Variants in NSMCE2 observed in about 807,000 individuals in gnomAD.
NSMCE2 encodes the protein NSE2 SUMO ligase component of SMC5/6 complex.
NSMCE2 carries 24 observed loss-of-function variants against 23.8 expected under a neutral mutation model. The observed-to-expected ratio is 1.01, with a 90% CI of 0.73 to 1.42. The LOEUF is 1.42. Among genes scored for constraint, NSMCE2 ranks in the 40% most tolerant of loss-of-function variants. The pLI, the probability that NSMCE2 is intolerant of heterozygous loss-of-function variation, is 0.00. For missense variants in NSMCE2, 284 were observed against 296.5 expected (o/e 0.96, Z 0.31); for synonymous variants, 92 against 94.1 (o/e 0.98, Z 0.13).
chr8:125,359,117 A>G (rs1813412830), intron 7 of NSMCE2, among the ~76,000 whole-genome samples: 2 of 151,736 alleles, frequency 1.3e-5, no homozygotes, highest in African/African-American at 2.4e-5. Context: ...ATAAAAAAAA[A>G]TTAGCCGGGC....
chr8:125,111,575 G>A (rs1207244821), intron 3 of NSMCE2, among the ~76,000 whole-genome samples: 1 of 152,118 alleles, frequency 6.6e-6, no homozygotes, highest in Non-Finnish European at 1.5e-5. Flanking sequence ...CGAGGCGGGC[G>A]GATCACTTGA....
At chr8:125,311,477 CTA>C (rs1828970853) in intron 5 of NSMCE2, among the ~76,000 whole-genome samples, 5 of 152,218 alleles carry the variant, frequency 3.3e-5, no homozygotes, top group Admixed American at 3.3e-4. Context: ...TATGATGTCA[CTA>C]GAAGTTCTTG....
chr8:125,218,665 G>A (rs1395649762), intron 5 of NSMCE2, among the ~76,000 whole-genome samples: 1 of 152,074 alleles, frequency 6.6e-6, no homozygotes. Context: ...ACCCGCCTCA[G>A]CCTTCCAAAG....
Position 125,182,214 on chromosome 8 carries a change from T to C in NSMCE2, c.376T>C (p.Phe126Leu). Residue 126 changes from phenylalanine (F) to leucine (L), a missense_variant, in exon 5 of 8, where the codon TTT becomes CTT. Phe to Leu is a conservative substitution (Grantham distance 22). Transcript: ENST00000287437. ...TGCAGACTTTCAAAATAATGAAAAATTTGTACAGTTTAAACAACAGCTGAA... is the reference window on the plus strand; with the variant it reads ...TGCAGACTTTCAAAATAATGAAAAACTTGTACAGTTTAAACAACAGCTGAA... ...SDADFQNNEK[F>L]VQFKQQLKEL... 1 of 1,608,658 alleles carries C rather than the reference T, an allele frequency of 6.2e-7. No homozygotes were observed. The highest frequency in any genetic ancestry group is 1.1e-5 in the South Asian group (1 of 89,708).
At chr8:125,198,723 C>A (rs943171876) in intron 5 of NSMCE2, among the ~76,000 whole-genome samples, 2 of 152,104 alleles carry the variant, frequency 1.3e-5, no homozygotes, top group Non-Finnish European at 2.9e-5. Flanking sequence ...AGGGAGGTTC[C>A]CTCTTTTTCT....
At position 125,311,937 on chromosome 8, in the gene NSMCE2, G is replaced by A. The variant is rs549339245; in HGVS notation, c.419-45282G>A. 5.3e-5 allele frequency among the ~76,000 whole-genome samples: 8 copies of A among 151,588 alleles called. No homozygotes were observed. In the South Asian group the frequency reaches 8.4e-4, roughly 16 times the overall value. On this transcript the variant is annotated intron_variant, in intron 5 of 7. Transcript: ENST00000287437. ...TACAAAATTAGCCAGGCATGGTGGC[G>A]CATGCCTGTAATCCCAGCTACTCAG...
At chr8:125,093,031 G>T (rs1313091634) in intron 1 of NSMCE2, among the ~76,000 whole-genome samples, 2 of 152,168 alleles carry the variant, frequency 1.3e-5, no homozygotes, top group Non-Finnish European at 2.9e-5. Context: ...ATCCTTCTTG[G>T]TTGAGAACCA....
At chr8:125,105,123 T>C (rs1236932972) in intron 3 of NSMCE2, among the ~76,000 whole-genome samples, 2 of 152,230 alleles carry the variant, frequency 1.3e-5, no homozygotes, top group Non-Finnish European at 2.9e-5. Flanking sequence ...CTGTCCCGCC[T>C]TTGTCCTACT....
At chr8:125,112,145 A>T (rs887868292) in intron 3 of NSMCE2, among the ~76,000 whole-genome samples, 1 of 152,250 alleles carries the variant, frequency 6.6e-6, no homozygotes, top group Admixed American at 6.5e-5. Flanking sequence ...TTATAACTGG[A>T]GCCAACTATA....
chr8:125,202,470 A>T (rs531699900), intron 5 of NSMCE2, among the ~76,000 whole-genome samples: 1 of 152,336 alleles, frequency 6.6e-6, no homozygotes, highest in South Asian at 2.1e-4. Context: ...GAAATGAGAA[A>T]ATGTAAGTTC....
chr8:125,362,303 A>G (rs547201902), intron 7 of NSMCE2, among the ~76,000 whole-genome samples: 1 of 152,288 alleles, frequency 6.6e-6, no homozygotes, highest in Non-Finnish European at 1.5e-5. Context: ...CTGCTTTAAA[A>G]ACTTGTGTTT....
At chr8:125,328,256 T>C (rs531329274) in intron 5 of NSMCE2, among the ~76,000 whole-genome samples, 1 of 152,192 alleles carries the variant, frequency 6.6e-6, no homozygotes, top group South Asian at 2.1e-4. Context: ...TGAATCTTCA[T>C]GATGCCTCTG....
chr8:125,293,128 A>G (rs1828180671), intron 5 of NSMCE2, among the ~76,000 whole-genome samples: 1 of 152,190 alleles, frequency 6.6e-6, no homozygotes, highest in Non-Finnish European at 1.5e-5. Context: ...ATAATAGCTT[A>G]CACTGTTGAG....
At chr8:125,164,319 C>CA (rs1821767152) in intron 4 of NSMCE2, among the ~76,000 whole-genome samples, 1 of 152,144 alleles carries the variant, frequency 6.6e-6, no homozygotes, top group South Asian at 2.1e-4. Flanking sequence ...ACTTGAACCT[C>CA]AGTGTTTTGA....
chr8:125,213,409 T>G (rs1824429707), intron 5 of NSMCE2, among the ~76,000 whole-genome samples: 1 of 152,076 alleles, frequency 6.6e-6, no homozygotes, highest in Non-Finnish European at 1.5e-5. Flanking sequence ...TTTGTTACTT[T>G]AGTAAATATA....
intron 3 of NSMCE2, among the ~76,000 whole-genome samples, chr8:125,115,729 T>TAA (rs1302930353): frequency 8.0e-5 from 12 of 150,684 alleles, no homozygotes; most frequent in African/African-American, 2.5e-4. Flanking sequence ...TCCGTCTCAA[T>TAA]AAAAAAAAAT....
chr8:125,110,772 T>TC (rs994203520), intron 3 of NSMCE2, among the ~76,000 whole-genome samples: 3 of 149,786 alleles, frequency 2.0e-5, no homozygotes, highest in African/African-American at 7.4e-5. Context: ...GTTTTTTTTT[T>TC]TTTTTTTTTT....
At chr8:125,173,498 T>C (rs1397674524) in intron 4 of NSMCE2, among the ~76,000 whole-genome samples, 2 of 152,212 alleles carry the variant, frequency 1.3e-5, no homozygotes, top group African/African-American at 4.8e-5. Context: ...GATTTCAGCA[T>C]TCTGAAAGAT....
chr8:125,266,058 C>T (rs1826897713), intron 5 of NSMCE2, among the ~76,000 whole-genome samples: 1 of 151,790 alleles, frequency 6.6e-6, no homozygotes, highest in Non-Finnish European at 1.5e-5. Flanking sequence ...TATAGCTAAC[C>T]CTGTGTGAGC....
Sources: allele counts gnomAD v4.1 joint callset (sites outside exome capture counted in the v4.1 genomes callset), GRCh38; gene constraint gnomAD v4.1.1; transcripts MANE v1.5; gene names NCBI Gene and HGNC (gene_info 2026-07-23, HGNC 2026-07-21).